CNPY3: variants seen among roughly 807,000 people sequenced by gnomAD.
The protein encoded by CNPY3 is protein canopy homolog 3.
Under a neutral mutation model 32.0 loss-of-function variants are expected in CNPY3, and 20 were observed. The ratio of observed to expected loss-of-function variants is 0.63; its 90% CI spans 0.44 to 0.91. The LOEUF (loss-of-function observed/expected upper bound fraction) is 0.91, where lower values mean the gene tolerates loss of function less well. Ranked by LOEUF, CNPY3 falls within the 40% of genes least tolerant of loss-of-function variation. The pLI is 0.00. For synonymous variants in CNPY3, 138 were observed against 142.9 expected, an observed-to-expected ratio of 0.97 and a Z score of 0.24; for missense variants, 299 against 340.8, an observed-to-expected ratio of 0.88 and a Z score of 0.97.
upstream of CNPY3, chr6:42,929,358 C>A (rs947916660): frequency 3.4e-6 from 2 of 582,516 alleles, no homozygotes; most frequent in Admixed American, 3.1e-5. Context: ...AGAGAGCAAA[C>A]CCCAGAAAGC....
chr6:42,929,760 G>A (rs1464395673), intron 1 of CNPY3, 39 bp downstream of exon 1: 2 of 1,525,850 alleles, frequency 1.3e-6, no homozygotes, highest in Non-Finnish European at 8.8e-7. Flanking sequence ...CCTGCCGGAG[G>A]GGCTGGCTCC....
chr6:42,932,073 A>C (rs1426430442), intron 1 of CNPY3, among the ~76,000 whole-genome samples: 3 of 152,068 alleles, frequency 2.0e-5, no homozygotes, highest in Non-Finnish European at 2.9e-5. Context: ...CCCTCTTATT[A>C]TTCTCATAGC....
At position 42,938,777 on chromosome 6, in the gene CNPY3, C is replaced by T. The variant is rs766741461; in HGVS notation, c.823C>T (p.Pro275Ser). 4.3e-6 allele frequency: 7 copies of T among 1,610,060 alleles called. No homozygotes were observed. The African/African-American group carries it at 5.3e-5, about 12-fold the overall frequency. Residue 275 changes from proline to serine, a missense_variant, in exon 6 of 6, where the codon CCT (proline) becomes TCT (serine). Pro to Ser is a moderately conservative substitution (Grantham distance 74). This residue lies in a region of CNPY3 where 211 missense variants were observed against 278.3 expected (regional missense o/e 0.76). Coordinates refer to ENST00000372836, the MANE Select transcript of CNPY3 (RefSeq NM_006586.5). ...QKASPLTHSP[P>S]DEL ...GGCATCCCCTCTCACACACAGCCCC[C>T]CTGATGAGCTCTGAGCCCACCCAGC...
chr6:42,936,894 T>C (rs1449842726), intron 3 of CNPY3, among the ~76,000 whole-genome samples: 2 of 152,092 alleles, frequency 1.3e-5, no homozygotes, highest in African/African-American at 4.8e-5. Context: ...TACCACTGCT[T>C]GTGTAAAAAG....
At chr6:42,929,452 G>C (rs1034120494), upstream of CNPY3, 8 of 1,091,500 alleles carry the variant, frequency 7.3e-6, no homozygotes, top group Non-Finnish European at 8.9e-6. Context: ...GAGGCTAGCT[G>C]TTGTCGTGGT....
intron 5 of CNPY3, 53 bp from the exon 6 acceptor site, chr6:42,938,515 G>A: frequency 2.0e-6 from 3 of 1,505,928 alleles, no homozygotes; most frequent in Admixed American, 2.0e-5. Flanking sequence ...TCCTTGCCCA[G>A]CACCCCAGCC....
At chr6:42,934,329 A>C (rs184952069) in intron 1 of CNPY3, 146 bp from the exon 2 acceptor site, 1 of 905,404 alleles carries the variant, frequency 1.1e-6, no homozygotes, top group African/African-American at 1.6e-5. Context: ...TTTAGCCTCC[A>C]CAGGTTCTAA....
intron 1 of CNPY3, among the ~76,000 whole-genome samples, chr6:42,932,264 G>T (rs976018154): frequency 6.6e-6 from 1 of 152,146 alleles, no homozygotes; most frequent in African/African-American, 2.4e-5. Flanking sequence ...AACTCCAACC[G>T]TTAGGTTCAT....
chr6:42,933,366 A>G (rs1399903735), intron 1 of CNPY3, among the ~76,000 whole-genome samples: 1 of 152,198 alleles, frequency 6.6e-6, no homozygotes, highest in Non-Finnish European at 1.5e-5. Context: ...TCATCTCTGT[A>G]TCCCCAGGCT....
chr6:42,937,582 CA>C (rs139442358), intron 3 of CNPY3, 134 bp from the exon 4 acceptor site: 7,803 of 790,718 alleles, frequency 9.9e-3, no homozygotes, highest in South Asian at 0.012. Flanking sequence ...GACTCCTTCT[CA>C]AAAAAAAAAG....
chr6:42,929,495 G>T lies in CNPY3; in HGVS notation c.-76G>T. 1 of 1,446,344 alleles carries T rather than the reference G, an allele frequency of 6.9e-7. No homozygotes were observed. The allele number at this position is 1,446,344 out of a possible 1,614,324, so 89.6% of individuals were successfully genotyped here. ...AGGCACGTGTGCAGTCCCGGAAGCG[G>T]CGAGGGGAAACTGCTCCGCGCGCGC... On this transcript the variant is annotated 5_prime_UTR_variant, in exon 1 of 6. Transcript: ENST00000372836.
intron 3 of CNPY3, 55 bp downstream of exon 3, chr6:42,935,725 A>G: frequency 6.4e-7 from 1 of 1,561,362 alleles, no homozygotes; most frequent in Non-Finnish European, 8.8e-7. Flanking sequence ...CATGTATCTT[A>G]GTGTGTCTGC....
chr6:42,928,088 A>G (rs528010959), upstream of CNPY3, among the ~76,000 whole-genome samples: 3 of 152,274 alleles, frequency 2.0e-5, no homozygotes, highest in Admixed American at 6.5e-5. Context: ...CCCAGGTTCA[A>G]GCAATTCTCC....
intron 2 of CNPY3, among the ~76,000 whole-genome samples, chr6:42,934,842 C>T (rs543428679): frequency 6.6e-6 from 1 of 152,302 alleles, no homozygotes; most frequent in African/African-American, 2.4e-5. Context: ...CATTGATTCT[C>T]AGACGCTTGG....
At chr6:42,938,493 C>T in intron 5 of CNPY3, 75 bp from the exon 6 acceptor site, 2 of 1,391,680 alleles carry the variant, frequency 1.4e-6, no homozygotes, top group South Asian at 1.4e-5. Context: ...CCCACGGCTC[C>T]CTGCTCAGTG....
chr6:42,938,014 G>A (rs1171517073), intron 4 of CNPY3, 76 bp from the exon 5 acceptor site: 1 of 1,477,608 alleles, frequency 6.8e-7, no homozygotes, highest in Non-Finnish European at 9.5e-7. Flanking sequence ...GCAGTGGGTT[G>A]CGAGGCTTAG....
At position 42,929,622 on chromosome 6, in the gene CNPY3, C is replaced by T. The variant is rs751118065; in HGVS notation, c.52C>T (p.Leu18=). 5.7e-6 allele frequency: 8 copies of T among 1,404,220 alleles called. No homozygotes were observed. Among genetic ancestry groups the T allele is most frequent in the African/African-American group, 1.4e-5 (1 of 69,054 alleles). The allele number at this position is 1,404,220 out of a possible 1,614,324, so 87.0% of individuals were successfully genotyped here. Residue 18 remains leucine (L), a synonymous_variant, in exon 1 of 6, where the codon CTG becomes TTG. Coordinates refer to ENST00000372836, the MANE Select transcript of CNPY3 (RefSeq NM_006586.5). ...ASRCLLLLPL[L]LLLLLLLPAP... ...CCGCTGTCTTCTGCTTCTTCCCTTG[C>T]TGCTGCTGCTGCTGCTGCTGCTGCC...
upstream of CNPY3, chr6:42,929,203 G>T (rs995549689): frequency 3.1e-5 from 4 of 130,440 alleles, no homozygotes; most frequent in Non-Finnish European, 3.9e-5. Context: ...CCCAGACGCA[G>T]GCTTCTTCTC....
In CNPY3 at chr6:42,939,014, G is replaced by C; in HGVS notation, c.*223G>C. On this transcript the variant is annotated 3_prime_UTR_variant, in exon 6 of 6. Transcript: ENST00000372836. ...CCCAAGTGTTTCTCTCCTGACCCAG[G>C]GTTCAGGCAGGCCTTGTGGTTTCAG... is the stretch of plus-strand genomic sequence containing the variant. 1 of 1,332,810 alleles carries C rather than the reference G, an allele frequency of 7.5e-7. No homozygotes were observed. Among genetic ancestry groups the C allele is most frequent in the Non-Finnish European group, 9.6e-7 (1 of 1,042,036 alleles). The allele number at this position is 1,332,810 out of a possible 1,614,324, so 82.6% of individuals were successfully genotyped here.
Sources: allele counts gnomAD v4.1 joint callset (sites outside exome capture counted in the v4.1 genomes callset), GRCh38; gene constraint gnomAD v4.1.1; regional missense constraint gnomAD v4.1.1; transcripts MANE v1.5; gene names NCBI Gene and HGNC (gene_info 2026-07-23, HGNC 2026-07-21).